LEMD3: variants seen among roughly 807,000 people sequenced by gnomAD.
LEMD3 encodes inner nuclear membrane protein Man1.
Under a neutral mutation model 95.2 loss-of-function variants are expected in LEMD3, and 33 were observed. The observed-to-expected ratio is 0.35, with a 90% CI of 0.26 to 0.46. The LOEUF (loss-of-function observed/expected upper bound fraction) is 0.46. Ranked by LOEUF, LEMD3 falls within the 20% of genes least tolerant of loss-of-function variation. LEMD3 has a pLI of 1.00. For synonymous variants in LEMD3, 525 were observed against 474.6 expected (o/e 1.11, Z -1.38); for missense variants, 1,210 against 1,192.8 (o/e 1.01, Z -0.21).
intron 2 of LEMD3, 49 bp downstream of exon 2, chr12:65,211,012 A>G: frequency 7.5e-7 from 1 of 1,342,174 alleles, no homozygotes; most frequent in Non-Finnish European, 1.1e-6. Context: ...GTTTTATATG[A>G]TAAAAGCATG....
chr12:65,186,509 G>A (rs1390847077), intron 1 of LEMD3, among the ~76,000 whole-genome samples: 1 of 151,748 alleles, frequency 6.6e-6, no homozygotes, highest in Non-Finnish European at 1.5e-5. Flanking sequence ...ATTTGGGTTA[G>A]GAAATGAGAA....
chr12:65,200,840 G>T (rs1869576276), intron 1 of LEMD3, among the ~76,000 whole-genome samples: 1 of 152,018 alleles, frequency 6.6e-6, no homozygotes, highest in African/African-American at 2.4e-5. Flanking sequence ...TTCTTTCATG[G>T]ATTATGTGTT....
At chr12:65,189,044 AATAC>A (rs1214462044) in intron 1 of LEMD3, among the ~76,000 whole-genome samples, 3 of 152,156 alleles carry the variant, frequency 2.0e-5, no homozygotes, top group Non-Finnish European at 4.4e-5. Context: ...TTTTTCCTGT[AATAC>A]ATACTTATGA....
Position 65,170,690 on chromosome 12 carries a change from C to T in LEMD3, c.1094C>T (p.Thr365Ile), listed in dbSNP as rs747950441. 9.9e-6 allele frequency: 16 copies of T among 1,614,094 alleles called. 1 individual carries two copies. Among genetic ancestry groups the T allele is most frequent in the South Asian group, 7.7e-5 (7 of 91,090 alleles). Residue 365 changes from threonine to isoleucine, a missense_variant, in exon 1 of 13, where the codon ACC (threonine) becomes ATC (isoleucine). Transcript: ENST00000308330. Reference sequence around the variant, plus strand: ...TACCGTGTTAACGCTAAGAAACTGACCCCTCTCCTGCCCCCGCCACTTACT... The same window carrying T: ...TACCGTGTTAACGCTAAGAAACTGATCCCTCTCCTGCCCCCGCCACTTACT... ...PRYRVNAKKLTPLLPPPLTDM... is the reference protein window; with the variant it reads ...PRYRVNAKKLIPLLPPPLTDM...
Position 65,170,691 on chromosome 12 carries a change from C to T in LEMD3, c.1095C>T (p.Thr365=), listed in dbSNP as rs2136313394. 3 of 1,614,170 alleles carry T rather than the reference C, an allele frequency of 1.9e-6. No homozygotes were observed. The highest frequency in any genetic ancestry group is 3.3e-4 in the Middle Eastern group (2 of 6,062). Residue 365 remains threonine (T), a synonymous_variant, in exon 1 of 13, where the codon ACC becomes ACT. Coordinates refer to ENST00000308330, the MANE Select transcript of LEMD3 (RefSeq NM_014319.5). ...PRYRVNAKKL[T]PLLPPPLTDM... is the part of the protein sequence containing the mutation. ...ACCGTGTTAACGCTAAGAAACTGAC[C>T]CCTCTCCTGCCCCCGCCACTTACTG...
At chr12:65,194,887 A>AAATTACAATTTAGATTATAATTTAT (rs1592438517) in intron 1 of LEMD3, among the ~76,000 whole-genome samples, 1 of 143,846 alleles carries the variant, frequency 7.0e-6, no homozygotes, top group Non-Finnish European at 1.5e-5. Context: ...TATAATTTAT[A>AAATTACAATTTAGATTATAATTTAT]AAATTAAAAT....
chr12:65,174,797 C>A (rs1039011435), intron 1 of LEMD3, among the ~76,000 whole-genome samples: 2 of 152,068 alleles, frequency 1.3e-5, no homozygotes, highest in Non-Finnish European at 2.9e-5. Flanking sequence ...GCTTACATTT[C>A]TAGGAGGGGA....
intron 1 of LEMD3, among the ~76,000 whole-genome samples, chr12:65,201,027 G>A (rs902102637): frequency 6.6e-6 from 1 of 152,112 alleles, no homozygotes; most frequent in Non-Finnish European, 1.5e-5. Flanking sequence ...GAGTATCCAG[G>A]TGTTTCAGAA....
At chr12:65,177,038 A>C (rs1565778729) in intron 1 of LEMD3, among the ~76,000 whole-genome samples, 2 of 152,226 alleles carry the variant, frequency 1.3e-5, no homozygotes, top group Non-Finnish European at 2.9e-5. Flanking sequence ...GCTAAGAAAC[A>C]TACAGGATAT....
intron 1 of LEMD3, 22 bp from the exon 2 acceptor site, chr12:65,210,904 T>C: frequency 3.2e-6 from 5 of 1,564,142 alleles, no homozygotes; most frequent in Non-Finnish European, 4.4e-6. Flanking sequence ...CTAATACTTG[T>C]CTTTTTTTCC....
chr12:65,211,167 C>T (rs1869927166), intron 2 of LEMD3, among the ~76,000 whole-genome samples: 1 of 152,120 alleles, frequency 6.6e-6, no homozygotes, highest in Non-Finnish European at 1.5e-5. Flanking sequence ...CCCTAACTGT[C>T]GTATAATTAA....
At chr12:65,214,198 G>A (rs1415719570) in intron 2 of LEMD3, among the ~76,000 whole-genome samples, 1 of 152,084 alleles carries the variant, frequency 6.6e-6, no homozygotes, top group Non-Finnish European at 1.5e-5. Context: ...CCAAGTAGCT[G>A]GGACTACAGG....
intron 3 of LEMD3, among the ~76,000 whole-genome samples, chr12:65,216,963 T>C (rs1283550338): frequency 6.6e-6 from 1 of 152,222 alleles, no homozygotes; most frequent in Non-Finnish European, 1.5e-5. Flanking sequence ...ATGACATTTA[T>C]TTGGTATGCT....
intron 4 of LEMD3, among the ~76,000 whole-genome samples, chr12:65,223,162 ATTG>A (rs1870343598): frequency 6.6e-6 from 1 of 152,146 alleles, no homozygotes; most frequent in South Asian, 2.1e-4. Context: ...TTGATCTATA[ATTG>A]TTGTTCAAGT....
intron 4 of LEMD3, among the ~76,000 whole-genome samples, chr12:65,224,904 T>C (rs1482470852): frequency 2.0e-5 from 3 of 152,262 alleles, no homozygotes; most frequent in Admixed American, 6.5e-5. Context: ...CCCATTAAGG[T>C]CCTTAGACTT....
chr12:65,208,918 A>G (rs1197559358), intron 1 of LEMD3, among the ~76,000 whole-genome samples: 1 of 152,132 alleles, frequency 6.6e-6, no homozygotes, highest in Non-Finnish European at 1.5e-5. Flanking sequence ...GGGTAGAGCA[A>G]TATTTTCAGC....
In LEMD3 at chr12:65,170,261, G is replaced by T; in HGVS notation, c.665G>T (p.Gly222Val). The T allele has an allele frequency of 6.4e-7, 1 of 1,560,504 alleles. No homozygotes were observed. The highest frequency in any genetic ancestry group is 8.7e-7 in the Non-Finnish European group (1 of 1,151,798). The change falls in exon 1 of 13, where the codon GGG (glycine) becomes GTG (valine). Residue 222 changes from glycine (G) to valine (V), a missense_variant. This residue lies in a region of LEMD3 where 749 missense variants were observed against 622.9 expected (regional missense o/e 1.20). Coordinates refer to ENST00000308330, the MANE Select transcript of LEMD3 (RefSeq NM_014319.5). Reference protein sequence around the residue: ...GKDGAVEDEEGEGEDGEERDP... With the variant: ...GKDGAVEDEEVEGEDGEERDP... ...GATGGAGCAGTGGAGGACGAGGAAGGGGAGGGAGAGGACGGTGAGGAGAGG... is the reference window on the plus strand; with the variant it reads ...GATGGAGCAGTGGAGGACGAGGAAGTGGAGGGAGAGGACGGTGAGGAGAGG...
intron 4 of LEMD3, among the ~76,000 whole-genome samples, chr12:65,230,242 A>G (rs1396052615): frequency 6.6e-6 from 1 of 152,128 alleles, no homozygotes; most frequent in African/African-American, 2.4e-5. Context: ...AGTGTGATGC[A>G]TCCAGCTTTG....
In LEMD3 at chr12:65,247,069, T is replaced by C. The variant is rs879008020; in HGVS notation, c.*744T>C. On this transcript the variant is annotated 3_prime_UTR_variant, in exon 13 of 13. Transcript: ENST00000308330. ...GTATATATATACACACACAGAGATA[T>C]ATACATATGGCTGTACTTTTGCATA... 7.9e-5 allele frequency: 12 copies of C among 152,688 alleles called. No individual in the cohort carries two copies. In the South Asian group the frequency reaches 2.1e-3, roughly 26 times the overall value. The allele number at this position is 152,688 out of a possible 1,614,324, so 9.5% of individuals were successfully genotyped here. A position where few individuals can be genotyped will look rare whatever the true frequency, so the allele number is the denominator to read the frequency against.
Sources: gnomAD v4.1 joint callset for allele counts (sites outside exome capture counted in the v4.1 genomes callset) on GRCh38, gnomAD v4.1.1 for gene constraint, gnomAD v4.1.1 regional missense constraint, MANE v1.5 for transcripts, NCBI Gene and HGNC (gene_info 2026-07-23, HGNC 2026-07-21) for gene names.